Variants in SENP5 observed in about 807,000 individuals in gnomAD.
SENP5 encodes SUMO specific peptidase 5, also known as sentrin-specific protease 5.
In SENP5, 21 loss-of-function variants were observed where a neutral mutation model predicts 74.2. That is an observed-to-expected ratio of 0.28 (90% CI 0.20 to 0.41). SENP5 has a LOEUF of 0.41. Ranked by LOEUF, SENP5 falls within the 10% of genes least tolerant of loss-of-function variation. The pLI is 1.00. For missense variants in SENP5, 717 were observed against 889.1 expected, an observed-to-expected ratio of 0.81 and a Z score of 2.46; for synonymous variants, 311 against 312.7, an observed-to-expected ratio of 0.99 and a Z score of 0.06.
intron 1 of SENP5, among the ~76,000 whole-genome samples, chr3:196,870,734 T>G (rs1450735210): frequency 6.6e-6 from 1 of 151,448 alleles, no homozygotes; most frequent in Non-Finnish European, 1.5e-5. Context: ...GCCAGGCTGG[T>G]CTTGAACTCC....
chr3:196,914,586 A>AAAAAAAAAAATATATATAT lies in SENP5; in HGVS notation c.1885-8827_1885-8826insAAAAAAAAATATATATATA. 101 of 33,406 alleles carry AAAAAAAAAAATATATATAT rather than the reference A, an allele frequency of 3.0e-3. 1 individual carries two copies. The highest frequency in any genetic ancestry group is 6.3e-3 in the African/African-American group (35 of 5,564). The allele number at this position is 33,406 out of a possible 1,614,324, so 2.1% of individuals were successfully genotyped here. Reference sequence around the variant, plus strand: ...CTTTAAAAAAAAAAAAAAAAAAAAAAATATATATATATATATATATATATA... The same window carrying AAAAAAAAAAATATATATAT: ...CTTTAAAAAAAAAAAAAAAAAAAAAAAAAAAAAAAATATATATATATATATATATATATATATATATATA... On this transcript the variant is annotated intron_variant, in intron 6 of 9. Transcript: ENST00000323460.
At chr3:196,899,513 ATAACTT>A in intron 2 of SENP5, among the ~76,000 whole-genome samples, 147 bp from the exon 3 acceptor site, 1 of 152,352 alleles carries the variant, frequency 6.6e-6, no homozygotes. Flanking sequence ...TACAAAAGAC[ATAACTT>A]TAAAAATATA....
At chr3:196,909,182 G>T (rs1715023476) in intron 6 of SENP5, among the ~76,000 whole-genome samples, 1 of 152,032 alleles carries the variant, frequency 6.6e-6, no homozygotes, top group African/African-American at 2.4e-5. Flanking sequence ...TAAATTCCTG[G>T]ACACATACAC....
intron 6 of SENP5, among the ~76,000 whole-genome samples, chr3:196,909,001 A>G (rs1296749921): frequency 6.6e-6 from 1 of 152,172 alleles, no homozygotes; most frequent in African/African-American, 2.4e-5. Context: ...AAAAATTAAC[A>G]AAAAATACCT....
rs1057265249 is a variant in SENP5, at chr3:196,933,411, G to A, written c.*2488G>A. ...TGCTTTCCCTCTCTTCTTGTGATTA[G>A]GTGTAAACCTCTATTTAACTCAAGT... On this transcript the variant is annotated 3_prime_UTR_variant, in exon 10 of 10. Transcript: ENST00000323460. The A allele has an allele frequency of 6.6e-6, 1 of 152,122 alleles. No homozygotes were observed. The highest frequency in any genetic ancestry group is 1.5e-5 in the Non-Finnish European group (1 of 68,026). 9.4% of individuals were successfully genotyped at this position (152,122 alleles called of 1,614,324 possible).
chr3:196,888,583 C>CA (rs112395641), intron 2 of SENP5, among the ~76,000 whole-genome samples: 35,256 of 140,378 alleles, frequency 0.25, 4,301 homozygotes, highest in African/African-American at 0.35. Flanking sequence ...GACTCTCTCA[C>CA]AAAAAAAAAA....
At chr3:196,909,409 T>A (rs948665757) in intron 6 of SENP5, among the ~76,000 whole-genome samples, 1 of 152,160 alleles carries the variant, frequency 6.6e-6, no homozygotes, top group Non-Finnish European at 1.5e-5. Flanking sequence ...CCTAGCTCAT[T>A]TTATGAGGCC....
At chr3:196,895,911 C>T (rs905029268) in intron 2 of SENP5, among the ~76,000 whole-genome samples, 2 of 152,110 alleles carry the variant, frequency 1.3e-5, no homozygotes, top group African/African-American at 4.8e-5. Context: ...ATTTGAACTC[C>T]AGTTTTTGTT....
intron 7 of SENP5, among the ~76,000 whole-genome samples, chr3:196,926,639 C>CTTT (rs1192258612): frequency 1.2e-4 from 15 of 126,668 alleles, no homozygotes; most frequent in East Asian, 4.4e-4. Flanking sequence ...TCCAGTCCAC[C>CTTT]TTTTTTTTTT....
intron 2 of SENP5, among the ~76,000 whole-genome samples, chr3:196,897,046 C>T (rs1156883387): frequency 6.6e-6 from 1 of 152,098 alleles, no homozygotes; most frequent in Non-Finnish European, 1.5e-5. Flanking sequence ...ATTCTACCAC[C>T]AGAAATAACA....
rs187672324 is a variant in SENP5, at chr3:196,923,684, C to G, written c.2022+133C>G. ...TCATGAAAATCCTCCAAAGTGTTAGCTGAGAAAAGGACTAGAAGAGGAATC... is the reference window on the plus strand; with the variant it reads ...TCATGAAAATCCTCCAAAGTGTTAGGTGAGAAAAGGACTAGAAGAGGAATC... On this transcript the variant is annotated intron_variant, in intron 7 of 9. Coordinates refer to ENST00000323460, the MANE Select transcript of SENP5 (RefSeq NM_152699.5). 301 of 587,604 alleles carry G rather than the reference C, an allele frequency of 5.1e-4. No homozygotes were observed. Among genetic ancestry groups the G allele is most frequent in the Admixed American group, 1.0e-3 (28 of 27,966 alleles). 36.4% of individuals were successfully genotyped at this position (587,604 alleles called of 1,614,324 possible).
intron 6 of SENP5, among the ~76,000 whole-genome samples, chr3:196,918,510 A>G (rs981959849): frequency 2.6e-5 from 4 of 151,834 alleles, no homozygotes; most frequent in Non-Finnish European, 5.9e-5. Context: ...AAAACAAAAA[A>G]TCTACAACAG....
intron 6 of SENP5, among the ~76,000 whole-genome samples, chr3:196,916,864 C>G (rs4038595): frequency 6.6e-6 from 1 of 151,984 alleles, no homozygotes; most frequent in Admixed American, 6.6e-5. Flanking sequence ...CTGGGCACAG[C>G]GACTCACACC....
At chr3:196,868,367 C>G (rs1713028114) in intron 1 of SENP5, among the ~76,000 whole-genome samples, 1 of 152,246 alleles carries the variant, frequency 6.6e-6, no homozygotes, top group Non-Finnish European at 1.5e-5. Flanking sequence ...CGGGAAAGCT[C>G]TGAGAGGAGG....
chr3:196,899,070 C>T (rs1331439948), intron 2 of SENP5, among the ~76,000 whole-genome samples: 3 of 128,342 alleles, frequency 2.3e-5, no homozygotes, highest in African/African-American at 6.1e-5. Context: ...CAGAGCGAGA[C>T]GCCATCTCAA....
chr3:196,925,178 T>A (rs1175300555), intron 7 of SENP5, among the ~76,000 whole-genome samples: 3 of 151,216 alleles, frequency 2.0e-5, no homozygotes, highest in Admixed American at 6.6e-5. Flanking sequence ...TTTTTTTTTT[T>A]ACAAGGAGAA....
intron 1 of SENP5, among the ~76,000 whole-genome samples, chr3:196,871,093 C>G (rs1016106300): frequency 2.0e-5 from 3 of 151,762 alleles, no homozygotes; most frequent in African/African-American, 7.3e-5. Context: ...TCGTTTGAAC[C>G]CATGAGGTAG....
intron 6 of SENP5, among the ~76,000 whole-genome samples, chr3:196,918,836 CA>C (rs1301988031): frequency 6.6e-6 from 1 of 151,056 alleles, no homozygotes; most frequent in Non-Finnish European, 1.5e-5. Flanking sequence ...TTTTTCCATA[CA>C]AACAGAAGCC....
Position 196,885,777 on chromosome 3 carries a change from G to C in SENP5, c.596G>C (p.Cys199Ser), listed in dbSNP as rs199558676. The change falls in exon 2 of 10, where the codon TGC becomes TCC. Residue 199 changes from cysteine to serine, a missense_variant. By Grantham distance (112) the Cys-to-Ser change is moderately radical. Around this residue, in one of 4 missense-constraint regions of SENP5, gnomAD observed 567 missense variants for 577.4 expected, o/e 0.98. Transcript: ENST00000323460. ...NHKRKGFCYG[C>S]CQGPEHHRNG... ...AAGAGAAAGGGCTTTTGTTACGGCT[G>C]CTGCCAAGGGCCGGAGCACCACAGG... The C allele has an allele frequency of 5.6e-5, 91 of 1,614,218 alleles. 1 individual carries two copies. In the East Asian group the frequency reaches 2.0e-3, roughly 36 times the overall value.
Sources: allele counts gnomAD v4.1 joint callset (sites outside exome capture counted in the v4.1 genomes callset), GRCh38; gene constraint gnomAD v4.1.1; regional missense constraint gnomAD v4.1.1; transcripts MANE v1.5; gene names NCBI Gene and HGNC (gene_info 2026-07-23, HGNC 2026-07-21).